MYO19: variants seen among roughly 807,000 people sequenced by gnomAD.
MYO19 encodes myosin XIX, also known as unconventional myosin-XIX.
Under a neutral mutation model 129.2 loss-of-function variants are expected in MYO19, and 132 were observed. The ratio of observed to expected loss-of-function variants is 1.02; its 90% CI spans 0.89 to 1.18. MYO19 has a LOEUF of 1.18. Ranked by LOEUF, MYO19 falls within the 50% of genes most tolerant of loss-of-function variation. MYO19 has a pLI of 0.00. For synonymous variants in MYO19, 531 were observed against 477.2 expected (o/e 1.11, Z -1.47); for missense variants, 1,210 against 1,216.7 (o/e 0.99, Z 0.08).
At chr17:36,498,134 C>T in intron 25 of MYO19, 132 bp downstream of exon 25, 1 of 928,330 alleles carries the variant, frequency 1.1e-6, no homozygotes, top group Non-Finnish European at 1.6e-6. Flanking sequence ...GGACATGCAG[C>T]CCTCTGGTTT....
At position 36,503,974 on chromosome 17, in the gene MYO19, A is replaced by T; in HGVS notation, c.1952T>A (p.Ile651Asn). ...EACGLVETIH[I>N]SAAGFPIRVS... ...CCGGATGGGGAAGCCAGCAGCACTG[A>T]TATGGATGGTCTCCACGAGGCCACA... Residue 651 changes from isoleucine (I) to asparagine (N), a missense_variant, in exon 20 of 26, where the codon ATC becomes AAC. Transcript: ENST00000614623. The T allele has an allele frequency of 6.3e-7, 1 of 1,592,782 alleles. No homozygotes were observed. The highest frequency in any genetic ancestry group is 8.5e-7 in the Non-Finnish European group (1 of 1,170,936).
At chr17:36,512,196 A>AACACACACACACACACACACACAC in intron 11 of MYO19, among the ~76,000 whole-genome samples, 1 of 138,134 alleles carries the variant, frequency 7.2e-6, no homozygotes, top group African/African-American at 2.8e-5. Flanking sequence ...ACTAAAAATA[A>AACACACACACACACACACACACAC]ACACACACAC....
chr17:36,511,233 C>G, intron 12 of MYO19, 132 bp downstream of exon 12: 1 of 943,578 alleles, frequency 1.1e-6, no homozygotes, highest in Non-Finnish European at 1.6e-6. Flanking sequence ...TGATCCAGGG[C>G]CAGGCCCTAT....
In MYO19 at chr17:36,507,432, T is replaced by G; in HGVS notation, c.1434A>C (p.Gly478=). The G allele has an allele frequency of 1.9e-6, 3 of 1,613,698 alleles. No individual in the cohort carries two copies. Among genetic ancestry groups the G allele is most frequent in the Non-Finnish European group, 2.5e-6 (3 of 1,179,854 alleles). ...DNQPCLDLIE[G]SPISICSLIN... ...TGAGGGAGCAGATGCTGATGGGGCT[T>G]CCCTCAATGAGATCCAAACAGGGCT... The change falls in exon 16 of 26, where the codon GGA becomes GGC. Residue 478 remains glycine (G), a synonymous_variant. Coordinates refer to ENST00000614623, the MANE Select transcript of MYO19 (RefSeq NM_001163735.2).
chr17:36,508,097 C>A (rs1183385913), intron 14 of MYO19, 173 bp from the exon 15 acceptor site: 3 of 599,718 alleles, frequency 5.0e-6, no homozygotes, highest in Non-Finnish European at 8.0e-6. Flanking sequence ...CCCCACCCTC[C>A]ACCCAAGGTG....
intron 9 of MYO19, 67 bp from the exon 10 acceptor site, chr17:36,513,792 G>A: frequency 7.1e-7 from 1 of 1,412,056 alleles, no homozygotes; most frequent in Non-Finnish European, 9.8e-7. Context: ...GCATAGGCAG[G>A]CATGGGGTTG....
chr17:36,537,844 T>C (rs377207002), upstream of MYO19: 6 of 1,614,068 alleles, frequency 3.7e-6, no homozygotes, highest in Admixed American at 1.7e-5. Context: ...GTGAAATTGA[T>C]AACACCACTG....
intron 14 of MYO19, chr17:36,508,812 G>C: frequency 1.9e-6 from 1 of 524,884 alleles, no homozygotes; most frequent in South Asian, 2.7e-5. Context: ...GGGAGGTAAA[G>C]GGCTCTTTCA....
At chr17:36,540,372 C>CTT (rs532388058) in intron 2 of MYO19, among the ~76,000 whole-genome samples, 23 of 138,728 alleles carry the variant, frequency 1.7e-4, no homozygotes, top group African/African-American at 5.8e-4. Context: ...ATTCTACTGT[C>CTT]TTTTTTTTTT....
chr17:36,536,248 C>G (rs900746424), upstream of MYO19, among the ~76,000 whole-genome samples: 2 of 152,130 alleles, frequency 1.3e-5, no homozygotes, highest in Non-Finnish European at 2.9e-5. Flanking sequence ...AAGGAGCAGC[C>G]TGGGGATCCA....
intron 23 of MYO19, 131 bp downstream of exon 23, chr17:36,500,699 C>G: frequency 1.6e-6 from 2 of 1,273,734 alleles, no homozygotes; most frequent in Middle Eastern, 2.8e-4. Flanking sequence ...TGAATCCCAG[C>G]ACACCACAGG....
In MYO19 at chr17:36,528,234, C is replaced by A. The variant is rs755636416; in HGVS notation, c.13-32G>T. The A allele has an allele frequency of 2.6e-6, 4 of 1,547,146 alleles. No homozygotes were observed. The South Asian group carries it at 3.6e-5, about 14-fold the overall frequency. ...GAGATAACGTGAAGGTGAGGCCAGGCACAGTGGCTCATGCCTATAATCCCA... is the reference window on the plus strand; with the variant it reads ...GAGATAACGTGAAGGTGAGGCCAGGAACAGTGGCTCATGCCTATAATCCCA... On this transcript the variant is annotated intron_variant, in intron 3 of 25. Coordinates refer to ENST00000614623, the MANE Select transcript of MYO19 (RefSeq NM_001163735.2).
chr17:36,527,298 CTT>C (rs1296606439), intron 5 of MYO19, among the ~76,000 whole-genome samples: 1 of 152,076 alleles, frequency 6.6e-6, no homozygotes, highest in African/African-American at 2.4e-5. Context: ...AATCCTTTCT[CTT>C]ATGTCTCTTA....
chr17:36,538,185 G>A, upstream of MYO19: 1 of 1,613,702 alleles, frequency 6.2e-7, no homozygotes, highest in Admixed American at 1.7e-5. Context: ...AGTAAATGTA[G>A]AAGCAGTATC....
intron 13 of MYO19, 116 bp downstream of exon 13, chr17:36,510,630 T>A (rs952818934): frequency 2.6e-6 from 3 of 1,168,448 alleles, no homozygotes; most frequent in Non-Finnish European, 3.6e-6. Flanking sequence ...GGAACCAGTC[T>A]GTCTTATCTC....
rs2073894524 is a variant in MYO19, at chr17:36,532,621, G to T, written c.-83C>A. On this transcript the variant is annotated 5_prime_UTR_variant, in exon 3 of 26. Transcript: ENST00000614623. ...CCACCTAGTCATGGGACCATGGGCT[G>T]GGGTATGGTTCCAACAAAGGGCTCA... 4 of 1,495,740 alleles carry T rather than the reference G, an allele frequency of 2.7e-6. No individual in the cohort carries two copies. In the South Asian group the frequency reaches 3.6e-5, roughly 14 times the overall value. The allele number at this position is 1,495,740 out of a possible 1,614,324, so 92.7% of individuals were successfully genotyped here. A position where few individuals can be genotyped will look rare whatever the true frequency, so the allele number is the denominator to read the frequency against.
intron 6 of MYO19, among the ~76,000 whole-genome samples, chr17:36,522,656 G>A (rs964658211): frequency 1.3e-5 from 2 of 151,288 alleles, no homozygotes; most frequent in African/African-American, 4.9e-5. Flanking sequence ...GATCACTTGA[G>A]GCCAGGAGTT....
chr17:36,510,705 G>A (rs762610246), intron 13 of MYO19, 41 bp downstream of exon 13: 2 of 1,544,956 alleles, frequency 1.3e-6, no homozygotes, highest in Admixed American at 3.7e-5. Context: ...AAGAGCACTT[G>A]TCGGGGTCCT....
At position 36,496,310 on chromosome 17, in the gene MYO19, G is replaced by GA; in HGVS notation, c.2853dup (p.Leu952SerfsTer41). The GA allele has an allele frequency of 6.2e-7, 1 of 1,614,052 alleles. No individual in the cohort carries two copies. Among genetic ancestry groups the GA allele is most frequent in the Non-Finnish European group, 8.5e-7 (1 of 1,179,902 alleles). ...TGGATCAGCCTGTGTCTTTCCAGCA[G>GA]AATCTGATTAAAGCCTGTAATGCTG... On this transcript the variant is annotated frameshift_variant, in exon 26 of 26. Transcript: ENST00000614623. LOFTEE classifies it high-confidence loss of function.
Sources: gnomAD v4.1 joint callset for allele counts (sites outside exome capture counted in the v4.1 genomes callset) on GRCh38, gnomAD v4.1.1 for gene constraint, MANE v1.5 for transcripts, NCBI Gene and HGNC (gene_info 2026-07-23, HGNC 2026-07-21) for gene names.